The following SHC4 variants were observed in gnomAD, a reference collection of about 807,000 sequenced individuals.
The protein encoded by SHC4 is SHC-transforming protein 4.
A neutral mutation model predicts 69.4 loss-of-function variants in SHC4; 41 were observed. The ratio of observed to expected loss-of-function variants is 0.59; its 90% confidence interval spans 0.46 to 0.77. The LOEUF (loss-of-function observed/expected upper bound fraction) is 0.77, where lower values mean the gene tolerates loss of function less well. Among genes scored for constraint, SHC4 ranks in the 30% least tolerant of loss-of-function variants. The pLI, the probability that SHC4 is intolerant of heterozygous loss-of-function variation, is 0.00. For synonymous variants in SHC4, 318 were observed against 299.3 expected (o/e 1.06, Z -0.64); for missense variants, 777 against 783.8 (o/e 0.99, Z 0.10).
chr15:48,927,157 G>A (rs1900868562), intron 1 of SHC4, among the ~76,000 whole-genome samples: 1 of 152,198 alleles, frequency 6.6e-6, no homozygotes, highest in Non-Finnish European at 1.5e-5. Flanking sequence ...GAAATTCCAA[G>A]CATCCAAGCT....
intron 2 of SHC4, among the ~76,000 whole-genome samples, chr15:48,901,265 G>A (rs1212119410): frequency 6.6e-6 from 1 of 152,204 alleles, no homozygotes; most frequent in Non-Finnish European, 1.5e-5. Context: ...ACAAATGTAA[G>A]AGGCTTTGGG....
intron 6 of SHC4, among the ~76,000 whole-genome samples, chr15:48,858,066 G>A (rs1028801574): frequency 1.3e-5 from 2 of 152,082 alleles, no homozygotes; most frequent in Non-Finnish European, 2.9e-5. Context: ...AGGGATTTGG[G>A]GGCCACATTT....
intron 2 of SHC4, among the ~76,000 whole-genome samples, chr15:48,921,401 C>G (rs1900751434): frequency 6.7e-6 from 1 of 149,488 alleles, no homozygotes; most frequent in South Asian, 2.2e-4. Flanking sequence ...ATGGTGCAAT[C>G]TCGGCTCACT....
chr15:48,830,798 A>C (rs1898784744), intron 11 of SHC4, among the ~76,000 whole-genome samples: 1 of 152,192 alleles, frequency 6.6e-6, no homozygotes, highest in Non-Finnish European at 1.5e-5. Flanking sequence ...AAAGCAAGCA[A>C]ACCGCCAAGG....
intron 2 of SHC4, among the ~76,000 whole-genome samples, chr15:48,897,274 G>C (rs1004660490): frequency 1.3e-5 from 2 of 152,194 alleles, no homozygotes; most frequent in African/African-American, 4.8e-5. Context: ...AAGGGGAGAA[G>C]TGGGCTGATG....
chr15:48,943,749 C>T (rs1901220170), intron 1 of SHC4, among the ~76,000 whole-genome samples: 1 of 152,086 alleles, frequency 6.6e-6, no homozygotes, highest in Non-Finnish European at 1.5e-5. Flanking sequence ...TTCTCCACAC[C>T]TTCACTTATT....
intron 11 of SHC4, among the ~76,000 whole-genome samples, chr15:48,827,292 G>T (rs1472375554): frequency 6.6e-6 from 1 of 152,170 alleles, no homozygotes; most frequent in African/African-American, 2.4e-5. Context: ...GACTTAGATA[G>T]TATTGTACAA....
intron 1 of SHC4, among the ~76,000 whole-genome samples, chr15:48,943,972 A>G (rs1567076086): frequency 6.6e-6 from 1 of 151,986 alleles, no homozygotes; most frequent in Non-Finnish European, 1.5e-5. Context: ...AGTAAGGTAG[A>G]AAGAGGGAAC....
chr15:48,856,196 G>A, intron 7 of SHC4, 72 bp from the exon 8 acceptor site: 2 of 1,395,858 alleles, frequency 1.4e-6, no homozygotes, highest in Non-Finnish European at 2.0e-6. Flanking sequence ...AAGGGGATCA[G>A]AACCAAGCAA....
At chr15:48,829,978 G>GT (rs549068901) in intron 11 of SHC4, among the ~76,000 whole-genome samples, 15 of 151,452 alleles carry the variant, frequency 9.9e-5, no homozygotes, top group Admixed American at 2.6e-4. Context: ...GTTGGAGCTT[G>GT]TTTTTTTTTA....
In SHC4 at chr15:48,917,485, G is replaced by T. The variant is rs139835066; in HGVS notation, c.656+7394C>A. On this transcript the variant is annotated intron_variant, in intron 2 of 11. Transcript: ENST00000332408. ...TTCCGGACATTTTAAAGACAACTGC[G>T]GCTAGGAAACTTTGTTTTCCTAATG... 2.1e-3 allele frequency among the ~76,000 whole-genome samples: 315 copies of T among 152,050 alleles called. 2 individuals carry two copies. The highest frequency in any genetic ancestry group is 7.5e-3 in the African/African-American group (309 of 41,464).
chr15:48,919,110 C>G (rs903181165), intron 2 of SHC4, among the ~76,000 whole-genome samples: 1 of 151,742 alleles, frequency 6.6e-6, no homozygotes, highest in African/African-American at 2.4e-5. Context: ...TGGATAAGGT[C>G]CCTAGTCTAC....
chr15:48,932,747 A>G (rs1002903467), intron 1 of SHC4, among the ~76,000 whole-genome samples: 6 of 152,122 alleles, frequency 3.9e-5, no homozygotes, highest in South Asian at 4.1e-4. Flanking sequence ...TATACTCTGT[A>G]TGAACTTCTA....
At chr15:48,863,001 C>T (rs1227411289) in intron 6 of SHC4, among the ~76,000 whole-genome samples, 2 of 151,742 alleles carry the variant, frequency 1.3e-5, no homozygotes, top group East Asian at 3.9e-4. Flanking sequence ...CTGCCAGCCC[C>T]ACCCCCAGCC....
intron 7 of SHC4, among the ~76,000 whole-genome samples, chr15:48,856,604 C>G (rs1478596110): frequency 2.0e-5 from 3 of 152,042 alleles, no homozygotes; most frequent in Non-Finnish European, 4.4e-5. Context: ...GGCCAGCTAT[C>G]TTGTCTGCAC....
At position 48,962,647 on chromosome 15, in the gene SHC4, C is replaced by T. The variant is rs1901563677; in HGVS notation, c.369G>A (p.Arg123=). ...EVPRLKLQES[R]DPGSSGPSSP... is the part of the protein sequence containing the mutation. ...AAGAGGGGCCGCTGGAACCTGGGTC[C>T]CGGCTTTCCTGGAGCTTCAGCCGAG... is the stretch of plus-strand genomic sequence containing the variant. Residue 123 remains arginine, a synonymous_variant, in exon 1 of 12, where the codon CGG becomes CGA. Coordinates refer to ENST00000332408, the MANE Select transcript of SHC4 (RefSeq NM_203349.4). 1 of 1,614,184 alleles carries T rather than the reference C, an allele frequency of 6.2e-7. No individual in the cohort carries two copies. The highest frequency in any genetic ancestry group is 2.2e-5 in the East Asian group (1 of 44,880).
At chr15:48,862,778 G>A (rs192948263) in intron 6 of SHC4, among the ~76,000 whole-genome samples, 1 of 152,282 alleles carries the variant, frequency 6.6e-6, no homozygotes, top group Admixed American at 6.5e-5. Flanking sequence ...GACCATCTGA[G>A]ATGTCTCCTT....
At chr15:48,943,180 T>C (rs1156838713) in intron 1 of SHC4, among the ~76,000 whole-genome samples, 1 of 152,210 alleles carries the variant, frequency 6.6e-6, no homozygotes, top group Non-Finnish European at 1.5e-5. Flanking sequence ...ATAGTCCTCA[T>C]GCTGCACATT....
intron 1 of SHC4, among the ~76,000 whole-genome samples, chr15:48,928,913 T>C (rs1900904036): frequency 6.6e-6 from 1 of 152,102 alleles, no homozygotes; most frequent in African/African-American, 2.4e-5. Context: ...CAGTGATGAA[T>C]TGGGGCTGAG....
Sources: allele counts gnomAD v4.1 joint callset (sites outside exome capture counted in the v4.1 genomes callset), GRCh38; gene constraint gnomAD v4.1.1; transcripts MANE v1.5; gene names NCBI Gene and HGNC (gene_info 2026-07-23, HGNC 2026-07-21).